CAMK2D: variants seen among roughly 807,000 people sequenced by gnomAD.
CAMK2D encodes the protein calcium/calmodulin dependent protein kinase II delta.
In CAMK2D, 37 loss-of-function variants were observed where a neutral mutation model predicts 84.0. The ratio of observed to expected loss-of-function variants is 0.44; its 90% CI spans 0.34 to 0.58. CAMK2D has a LOEUF of 0.58. CAMK2D is among the 20% of genes least tolerant of loss of function. CAMK2D has a pLI of 0.02. For synonymous variants in CAMK2D, 202 were observed against 212.5 expected (o/e 0.95, Z 0.43); for missense variants, 448 against 652.5 (o/e 0.69, Z 3.41).
At chr4:113,753,952 C>A (rs904744171) in intron 2 of CAMK2D, 3 of 979,224 alleles carry the variant, frequency 3.1e-6, no homozygotes, top group Admixed American at 6.2e-5. Flanking sequence ...AATTGTAATG[C>A]CATTCATGTC....
chr4:113,754,692 T>A (rs977935635), intron 2 of CAMK2D: 56 of 965,382 alleles, frequency 5.8e-5, no homozygotes, highest in African/African-American at 3.0e-4. Context: ...TTTTTTTTTT[T>A]ATTATTTGTG....
chr4:113,558,842 T>G (rs971822181), intron 4 of CAMK2D, among the ~76,000 whole-genome samples: 2 of 151,700 alleles, frequency 1.3e-5, no homozygotes, highest in Non-Finnish European at 1.5e-5. Flanking sequence ...GCCTGCCAGG[T>G]GGGGTGGTAT....
chr4:113,564,698 A>G (rs553292545), intron 4 of CAMK2D, among the ~76,000 whole-genome samples: 166 of 152,344 alleles, frequency 1.1e-3, no homozygotes, highest in Non-Finnish European at 2.2e-3. Context: ...GGGAAGATGC[A>G]ATATGAAATC....
intron 12 of CAMK2D, 31 bp from the exon 13 acceptor site, chr4:113,509,706 A>G: frequency 6.5e-7 from 1 of 1,540,212 alleles, no homozygotes; most frequent in Non-Finnish European, 9.0e-7. Flanking sequence ...CAGTTTAGTG[A>G]GTTATCCATA....
chr4:113,673,894 A>T (rs2099305750), intron 2 of CAMK2D, among the ~76,000 whole-genome samples: 1 of 152,238 alleles, frequency 6.6e-6, no homozygotes. Flanking sequence ...TCTAACCAAG[A>T]CTTCTTACAT....
In CAMK2D at chr4:113,533,320, T is replaced by C. The variant is rs142161542; in HGVS notation, c.518-2021A>G. ...ATGGACGTTAGGAAAGAATGTACGG[T>C]ACAATGTGACCTCATAAATACAGAC... On this transcript the variant is annotated intron_variant, in intron 7 of 20. Coordinates refer to ENST00000511664, the MANE Select transcript of CAMK2D (RefSeq NM_001321571.2). Among the ~76,000 whole-genome samples the C allele has an allele frequency of 7.1e-3, 1,080 of 152,164 alleles. 16 individuals carry two copies. The highest frequency in any genetic ancestry group is 0.031 in the Middle Eastern group (9 of 292).
In CAMK2D at chr4:113,737,187, A is replaced by G. The variant is rs146108293; in HGVS notation, c.160+22133T>C. On this transcript the variant is annotated intron_variant, in intron 2 of 20. Transcript: ENST00000511664. Reference sequence around the variant, plus strand: ...ATTTAATAATCATATATACCCTTGTAAAGACAAATCTAAAAAATCTTAACT... The same window carrying G: ...ATTTAATAATCATATATACCCTTGTGAAGACAAATCTAAAAAATCTTAACT... Among the ~76,000 whole-genome samples, 799 of 152,330 alleles carry G rather than the reference A, an allele frequency of 5.2e-3. 7 individuals are homozygous for G. Among genetic ancestry groups the G allele is most frequent in the African/African-American group, 0.018 (757 of 41,584 alleles).
intron 2 of CAMK2D, among the ~76,000 whole-genome samples, chr4:113,717,668 A>G (rs950179138): frequency 1.9e-4 from 29 of 152,136 alleles, no homozygotes; most frequent in African/African-American, 7.0e-4. Flanking sequence ...AAGATGGTGG[A>G]GAGAGTTGAA....
chr4:113,564,073 C>T (rs191567237), intron 4 of CAMK2D, among the ~76,000 whole-genome samples: 1 of 152,068 alleles, frequency 6.6e-6, no homozygotes, highest in Non-Finnish European at 1.5e-5. Flanking sequence ...TCTACTTTTC[C>T]ATTTATAAAA....
intron 2 of CAMK2D, among the ~76,000 whole-genome samples, chr4:113,714,228 T>C (rs537193583): frequency 6.6e-6 from 1 of 152,188 alleles, no homozygotes; most frequent in East Asian, 1.9e-4. Context: ...TGTGGATCCA[T>C]TTTCAGTGCT....
intron 5 of CAMK2D, among the ~76,000 whole-genome samples, chr4:113,550,533 A>G (rs1055151488): frequency 6.6e-6 from 1 of 152,186 alleles, no homozygotes; most frequent in Non-Finnish European, 1.5e-5. Flanking sequence ...TTTATCGGAG[A>G]GCTTTCATAA....
chr4:113,454,529 G>T lies in CAMK2D; in HGVS notation c.*30-14C>A, dbSNP rs1307458020. On this transcript the variant is annotated splice_polypyrimidine_tract_variant and intron_variant, in intron 20 of 20. Transcript: ENST00000511664. ...GTTGAAATTTAGCTGAAAGGAGAAA[G>T]GGGGAGGAAGAAATAAATTATATTG... 1.3e-6 allele frequency: 1 copy of T among 778,076 alleles called. No homozygotes were observed. The highest frequency in any genetic ancestry group is 1.7e-5 in the African/African-American group (1 of 58,984). 48.2% of individuals were successfully genotyped at this position (778,076 alleles called of 1,614,324 possible).
At chr4:113,505,065 A>T in intron 13 of CAMK2D, 30 bp from the exon 14 acceptor site, 2 of 1,461,634 alleles carry the variant, frequency 1.4e-6, no homozygotes, top group African/African-American at 2.8e-5. Flanking sequence ...AGAAACAGAG[A>T]TGCCTTAAAC....
intron 2 of CAMK2D, among the ~76,000 whole-genome samples, chr4:113,692,192 T>C (rs1252304016): frequency 6.6e-6 from 1 of 152,108 alleles, no homozygotes; most frequent in Admixed American, 6.5e-5. Context: ...TTTCTTCCAT[T>C]CCCAAATCAA....
At position 113,761,473 on chromosome 4, in the gene CAMK2D, G is replaced by A. The variant is rs1055732552; in HGVS notation, c.-405C>T. 5.9e-5 allele frequency: 66 copies of A among 1,110,370 alleles called. No individual in the cohort carries two copies. The highest frequency in any genetic ancestry group is 4.2e-4 in the Middle Eastern group (1 of 2,386). 68.8% of individuals were successfully genotyped at this position (1,110,370 alleles called of 1,614,324 possible). A position where few individuals can be genotyped will look rare whatever the true frequency, so the allele number is the denominator to read the frequency against. On this transcript the variant is annotated 5_prime_UTR_variant, in exon 1 of 21. Transcript: ENST00000511664. ...GAAACGATCCGCACTGGAGCAGGAG[G>A]AGTAGAAGCAGAGGGGAGGGAGTCC... is the stretch of plus-strand genomic sequence containing the variant.
intron 4 of CAMK2D, among the ~76,000 whole-genome samples, chr4:113,559,534 G>T (rs1429343055): frequency 6.6e-6 from 1 of 152,160 alleles, no homozygotes; most frequent in African/African-American, 2.4e-5. Flanking sequence ...ATCATTACCT[G>T]ATAAGCTACA....
chr4:113,758,144 G>A (rs965906228), intron 2 of CAMK2D, among the ~76,000 whole-genome samples: 9 of 152,108 alleles, frequency 5.9e-5, no homozygotes, highest in Non-Finnish European at 1.3e-4. Flanking sequence ...CTGTGGAGTA[G>A]AGACTAAGAG....
intron 1 of CAMK2D, 145 bp downstream of exon 1, chr4:113,760,859 T>C: frequency 1.0e-6 from 1 of 963,046 alleles, no homozygotes; most frequent in Non-Finnish European, 1.6e-6. Context: ...AGACAGCACC[T>C]TCCCCAGAGC....
intron 2 of CAMK2D, among the ~76,000 whole-genome samples, chr4:113,663,271 T>C (rs1158263667): frequency 6.6e-6 from 1 of 152,076 alleles, no homozygotes; most frequent in Non-Finnish European, 1.5e-5. Context: ...ACCATAAATA[T>C]TGCAAAGTGT....
Sources: allele counts gnomAD v4.1 joint callset (sites outside exome capture counted in the v4.1 genomes callset), GRCh38; gene constraint gnomAD v4.1.1; transcripts MANE v1.5; gene names NCBI Gene and HGNC (gene_info 2026-07-23, HGNC 2026-07-21).